The following KDM4D variants were observed in gnomAD, a reference collection of about 807,000 sequenced individuals.
KDM4D encodes the protein lysine demethylase 4D.
For missense variants in KDM4D, 427 were observed against 674.8 expected (o/e 0.63, Z 4.07); for synonymous variants, 254 against 249.1 (o/e 1.02, Z -0.19).
chr11:94,998,817 C>G lies in KDM4D; in HGVS notation c.1445C>G (p.Thr482Arg), dbSNP rs1555099661. The G allele has an allele frequency of 1.3e-6, 2 of 1,597,134 alleles. No homozygotes were observed. The highest frequency in any genetic ancestry group is 1.7e-6 in the Non-Finnish European group (2 of 1,169,420). Residue 482 changes from threonine to arginine, a missense_variant, in exon 3 of 3, where the codon ACA becomes AGA. By Grantham distance (71) the Thr-to-Arg change is moderately conservative. Transcript: ENST00000335080. The surrounding 1 kb of genome is among the most constrained non-coding windows in gnomAD (Gnocchi z 6.7). ...KRPLLAGTTC[T>R]ASGPEPEPLP... ...CCCCTCTTGGCGGGCACAACATGCA[C>G]AGCTTCGGGCCCAGAACCTGAGCCC...
At chr11:94,994,391 G>A (rs1159760090) in intron 2 of KDM4D, among the ~76,000 whole-genome samples, 1 of 152,074 alleles carries the variant, frequency 6.6e-6, no homozygotes, top group African/African-American at 2.4e-5. Context: ...ATTGGAGAAA[G>A]TTATGACAAT....
chr11:94,987,425 G>A lies in KDM4D; in HGVS notation c.-349-9599G>A, dbSNP rs998872108. ...TTTTGTTTCTCAAAACAAAAACTCGGACACCACAAATTTGGGCCCCAATAT... is the reference window on the plus strand; with the variant it reads ...TTTTGTTTCTCAAAACAAAAACTCGAACACCACAAATTTGGGCCCCAATAT... On this transcript the variant is annotated intron_variant, in intron 2 of 2. Transcript: ENST00000335080. Among the ~76,000 whole-genome samples, 8 of 152,062 alleles carry A rather than the reference G, an allele frequency of 5.3e-5. 1 individual carries two copies. The highest frequency in any genetic ancestry group is 1.9e-4 in the African/African-American group (8 of 41,408).
rs782468463 is a variant in KDM4D at position 94,998,351 on chromosome 11, A to G, written c.979A>G (p.Ile327Val). 1.4e-5 allele frequency: 22 copies of G among 1,614,152 alleles called. No individual in the cohort carries two copies. The highest frequency in any genetic ancestry group is 1.7e-5 in the Non-Finnish European group (20 of 1,180,012). ...VTFSMDAFVR[I>V]LQPERYDLWK... ...CTTTTCCATGGATGCCTTCGTGCGCATCCTGCAACCTGAACGCTATGACCT... is the reference window on the plus strand; with the variant it reads ...CTTTTCCATGGATGCCTTCGTGCGCGTCCTGCAACCTGAACGCTATGACCT... Residue 327 changes from isoleucine to valine, a missense_variant, in exon 3 of 3, where the codon ATC (isoleucine) becomes GTC (valine). Coordinates refer to ENST00000335080, the MANE Select transcript of KDM4D (RefSeq NM_018039.3). This position sits in a 1 kb window ranked among gnomAD's most constrained non-coding sequence, Gnocchi z 6.7.
At chr11:94,986,503 G>A (rs1014748956) in intron 2 of KDM4D, among the ~76,000 whole-genome samples, 1 of 152,126 alleles carries the variant, frequency 6.6e-6, no homozygotes, top group Non-Finnish European at 1.5e-5. Flanking sequence ...GGCTGAGGCA[G>A]GGGGATTACC....
chr11:94,996,130 T>C (rs1857974172), intron 2 of KDM4D, among the ~76,000 whole-genome samples: 1 of 152,252 alleles, frequency 6.6e-6, no homozygotes. Context: ...AATGTATAGT[T>C]TATTTTCAGT....
intron 2 of KDM4D, among the ~76,000 whole-genome samples, chr11:94,994,788 G>A (rs55927708): frequency 2.3e-3 from 352 of 151,670 alleles, no homozygotes; most frequent in African/African-American, 7.5e-3. Context: ...GGGGTTGGGT[G>A]GGAGAGAGAG....
At position 94,997,352 on chromosome 11, in the gene KDM4D, TAAGAGTTTACTGCTTATTAAATGGA is replaced by T; in HGVS notation, c.-18_7del. 1 of 1,557,042 alleles carries T rather than the reference TAAGAGTTTACTGCTTATTAAATGGA, an allele frequency of 6.4e-7. No homozygotes were observed. The highest frequency in any genetic ancestry group is 8.6e-7 in the Non-Finnish European group (1 of 1,156,482). On this transcript the variant is annotated start_lost and 5_prime_UTR_variant, in exon 3 of 3. Coordinates refer to ENST00000335080, the MANE Select transcript of KDM4D (RefSeq NM_018039.3). The stretch of plus-strand genomic sequence containing the variant: ...AACTATCTAGAACATACCTAAAAAC[TAAGAGTTTACTGCTTATTAAATGGA>T]AACTATGAAGTCTAAGGCCAACTGT...
At chr11:94,983,008 G>C (rs1241490370) in intron 2 of KDM4D, among the ~76,000 whole-genome samples, 1 of 151,856 alleles carries the variant, frequency 6.6e-6, no homozygotes, top group Non-Finnish European at 1.5e-5. Context: ...ATTCTAAAAT[G>C]AATACTGAAG....
At position 94,989,295 on chromosome 11, in the gene KDM4D, A is replaced by G. The variant is rs186545414; in HGVS notation, c.-349-7729A>G. On this transcript the variant is annotated intron_variant, in intron 2 of 2. Coordinates refer to ENST00000335080, the MANE Select transcript of KDM4D (RefSeq NM_018039.3). Reference sequence around the variant, plus strand: ...ATGCTACTCAAGACATGTATTTAAAATGTATTGACAGTCCAAAGAAGCATA... The same window carrying G: ...ATGCTACTCAAGACATGTATTTAAAGTGTATTGACAGTCCAAAGAAGCATA... Among the ~76,000 whole-genome samples the G allele has an allele frequency of 3.9e-3, 599 of 152,322 alleles. 3 individuals carry two copies. Among genetic ancestry groups the G allele is most frequent in the South Asian group, 0.028 (136 of 4,822 alleles).
chr11:94,976,815 C>A (rs1590963476), intron 2 of KDM4D, among the ~76,000 whole-genome samples: 1 of 151,894 alleles, frequency 6.6e-6, no homozygotes, highest in South Asian at 2.1e-4. Flanking sequence ...AAAATAGAAA[C>A]CATAAAAACC....
At chr11:94,975,528 T>C (rs1345574006) in intron 1 of KDM4D, 126 bp from the exon 2 acceptor site, 4 of 152,124 alleles carry the variant, frequency 2.6e-5, no homozygotes, top group Admixed American at 1.3e-4. Context: ...CTCTAAGGAT[T>C]AAGTGAATTA....
intron 2 of KDM4D, among the ~76,000 whole-genome samples, chr11:94,991,922 C>A (rs587764507): frequency 6.6e-6 from 1 of 151,450 alleles, no homozygotes; most frequent in African/African-American, 2.4e-5. Context: ...CTAAAATAAA[C>A]AACACACATA....
rs923496476 is a variant in KDM4D, at chr11:94,977,401, A to G, written c.-350+1653A>G. 2.0e-5 allele frequency among the ~76,000 whole-genome samples: 3 copies of G among 152,190 alleles called. No individual in the cohort carries two copies. The East Asian group carries it at 5.8e-4, about 29-fold the overall frequency. On this transcript the variant is annotated intron_variant, in intron 2 of 2. Coordinates refer to ENST00000335080, the MANE Select transcript of KDM4D (RefSeq NM_018039.3). Reference sequence around the variant, plus strand: ...CCCTTTCCCCTACCTCTTTGACCTCATCACTTGCTCATGCTTTTCATGGCT... The same window carrying G: ...CCCTTTCCCCTACCTCTTTGACCTCGTCACTTGCTCATGCTTTTCATGGCT...
At chr11:94,976,121 A>AC (rs1271066506) in intron 2 of KDM4D, among the ~76,000 whole-genome samples, 1 of 152,198 alleles carries the variant, frequency 6.6e-6, no homozygotes, top group Admixed American at 6.5e-5. Context: ...AAATCTTGAA[A>AC]TTCATCTGAT....
chr11:94,985,882 C>T (rs781887847), intron 2 of KDM4D, among the ~76,000 whole-genome samples: 10 of 152,168 alleles, frequency 6.6e-5, no homozygotes, highest in African/African-American at 1.4e-4. Context: ...ACTTGGATTC[C>T]TACCTCACAG....
intron 2 of KDM4D, among the ~76,000 whole-genome samples, chr11:94,991,765 A>G (rs1469356724): frequency 6.6e-6 from 1 of 151,902 alleles, no homozygotes; most frequent in African/African-American, 2.4e-5. Context: ...GAGTTAATAC[A>G]CAGACGAAAA....
intron 2 of KDM4D, among the ~76,000 whole-genome samples, chr11:94,988,518 T>C (rs1555098328): frequency 1.3e-5 from 2 of 152,156 alleles, no homozygotes; most frequent in African/African-American, 4.8e-5. Context: ...TAAAGAAATA[T>C]GAGGAAGTAG....
At chr11:94,986,682 T>A (rs191347060) in intron 2 of KDM4D, among the ~76,000 whole-genome samples, 132 of 152,326 alleles carry the variant, frequency 8.7e-4, no homozygotes, top group Admixed American at 1.7e-3. Context: ...CAAGTATTGA[T>A]GTGGATGTTG....
At chr11:94,988,342 A>G (rs1454148658) in intron 2 of KDM4D, among the ~76,000 whole-genome samples, 1 of 152,170 alleles carries the variant, frequency 6.6e-6, no homozygotes, top group African/African-American at 2.4e-5. Context: ...GTGGCCATCA[A>G]ATAACTTTAA....
Sources: gnomAD v4.1 joint callset for allele counts (sites outside exome capture counted in the v4.1 genomes callset) on GRCh38, gnomAD v4.1.1 for gene constraint, Gnocchi (gnomAD v3.1) non-coding constraint, MANE v1.5 for transcripts, NCBI Gene and HGNC (gene_info 2026-07-23, HGNC 2026-07-21) for gene names.